The following ZNF221 variants were observed in gnomAD, a reference collection of about 807,000 sequenced individuals.
ZNF221 encodes the protein zinc finger protein 221.
A neutral mutation model predicts 12.6 loss-of-function variants in ZNF221; 10 were observed. The ratio of observed to expected loss-of-function variants is 0.79; its 90% CI spans 0.49 to 1.34. ZNF221 has a LOEUF of 1.34. ZNF221 is among the 40% of genes most tolerant of loss of function. ZNF221 has a pLI of 0.00. For synonymous variants in ZNF221, 232 were observed against 244.0 expected (o/e 0.95, Z 0.46); for missense variants, 661 against 721.4 (o/e 0.92, Z 0.96).
intron 2 of ZNF221, 68 bp downstream of exon 2, chr19:43,962,875 T>C (rs1182873309): frequency 1.6e-5 from 24 of 1,457,810 alleles, no homozygotes; most frequent in Non-Finnish European, 2.3e-5. Context: ...CATTTTTATC[T>C]GTCTTGGGAA....
At chr19:43,971,803 C>G (rs1350996036), downstream of ZNF221, among the ~76,000 whole-genome samples, 2 of 152,130 alleles carry the variant, frequency 1.3e-5, no homozygotes, top group Non-Finnish European at 2.9e-5. Context: ...GACTCCCACA[C>G]AGTAATAGTG....
chr19:43,956,640 C>G (rs1422479200), intron 1 of ZNF221, among the ~76,000 whole-genome samples: 1 of 152,190 alleles, frequency 6.6e-6, no homozygotes, highest in African/African-American at 2.4e-5. Context: ...GGTTTCTCAT[C>G]ATAATCTTTA....
At chr19:43,972,869 T>G in the ZNF221 span, among the ~76,000 whole-genome samples, 2 of 151,364 alleles carry the variant, frequency 1.3e-5, no homozygotes, top group Admixed American at 6.6e-5. Flanking sequence ...TCCAAACAAT[T>G]GAAAAGAAGG....
chr19:43,962,684 C>T, intron 1 of ZNF221, 41 bp from the exon 2 acceptor site: 1 of 1,578,788 alleles, frequency 6.3e-7, no homozygotes, highest in Non-Finnish European at 8.7e-7. Context: ...TCCTAGTTAC[C>T]ATTTCCTGTC....
chr19:43,975,417 C>T, the ZNF221 span, among the ~76,000 whole-genome samples: 4 of 152,122 alleles, frequency 2.6e-5, no homozygotes, highest in Admixed American at 6.5e-5. Flanking sequence ...AAGCCGTTAT[C>T]CTCAGCAAAC....
intron 1 of ZNF221, among the ~76,000 whole-genome samples, chr19:43,956,324 G>A (rs763031426): frequency 2.6e-5 from 4 of 152,158 alleles, no homozygotes; most frequent in Non-Finnish European, 4.4e-5. Context: ...CAGGAGAAAC[G>A]TTCCCTAGTC....
intron 1 of ZNF221, among the ~76,000 whole-genome samples, chr19:43,951,908 C>G (rs1974678670): frequency 8.8e-6 from 1 of 113,982 alleles, no homozygotes; most frequent in African/African-American, 3.5e-5. Flanking sequence ...GAGTCTCGCT[C>G]TGTCGCCCAG....
At chr19:43,980,645 G>A in the ZNF221 span, among the ~76,000 whole-genome samples, 1 of 152,176 alleles carries the variant, frequency 6.6e-6, no homozygotes, top group Non-Finnish European at 1.5e-5. Flanking sequence ...TTTCACCTTG[G>A]TGAAATTTCC....
chr19:43,955,639 A>G (rs1288621136), intron 1 of ZNF221, among the ~76,000 whole-genome samples: 1 of 152,206 alleles, frequency 6.6e-6, no homozygotes, highest in Non-Finnish European at 1.5e-5. Context: ...GCCACTGCCC[A>G]TGAGTCAGTA....
At chr19:43,980,009 T>C in the ZNF221 span, among the ~76,000 whole-genome samples, 1 of 152,202 alleles carries the variant, frequency 6.6e-6, no homozygotes, top group South Asian at 2.1e-4. Context: ...TGACCATGAA[T>C]TTGTTAGTTT....
intron 1 of ZNF221, among the ~76,000 whole-genome samples, chr19:43,960,017 C>A (rs894608847): frequency 6.6e-6 from 1 of 151,472 alleles, no homozygotes; most frequent in African/African-American, 2.4e-5. Context: ...ATGGGAACTT[C>A]TTACAGACTG....
chr19:43,952,803 T>A lies in ZNF221; in HGVS notation c.-3+1403T>A, dbSNP rs921329333. Among the ~76,000 whole-genome samples the A allele has an allele frequency of 2.0e-4, 30 of 152,168 alleles. 1 individual carries two copies. Among genetic ancestry groups the A allele is most frequent in the African/African-American group, 7.2e-4 (30 of 41,428 alleles). On this transcript the variant is annotated intron_variant, in intron 1 of 4. Transcript: ENST00000587682. ...TCTCTAGGACTCTTTTAAAACTTTGTCAACTATTTTTTTTCACTTATTACA... is the reference window on the plus strand; with the variant it reads ...TCTCTAGGACTCTTTTAAAACTTTGACAACTATTTTTTTTCACTTATTACA...
At chr19:43,954,872 G>A (rs992344509) in intron 1 of ZNF221, among the ~76,000 whole-genome samples, 1 of 152,110 alleles carries the variant, frequency 6.6e-6, no homozygotes, top group African/African-American at 2.4e-5. Flanking sequence ...TTCCCACCAG[G>A]TCTTCCCCAG....
downstream of ZNF221, among the ~76,000 whole-genome samples, chr19:43,970,740 A>G (rs1454104256): frequency 6.6e-6 from 1 of 152,052 alleles, no homozygotes; most frequent in Admixed American, 6.5e-5. Context: ...AATGAACAAA[A>G]CCTCTGAAAA....
the ZNF221 span, among the ~76,000 whole-genome samples, chr19:43,979,829 CTG>C: frequency 6.6e-6 from 1 of 152,152 alleles, no homozygotes; most frequent in African/African-American, 2.4e-5. Flanking sequence ...TAAATCAATT[CTG>C]TGTTTTCTCA....
the ZNF221 span, among the ~76,000 whole-genome samples, chr19:43,979,441 A>ATATC: frequency 6.7e-6 from 1 of 149,020 alleles, no homozygotes; most frequent in African/African-American, 2.5e-5. Flanking sequence ...ATATATATAT[A>ATATC]TATGGAAGGC....
intron 1 of ZNF221, among the ~76,000 whole-genome samples, chr19:43,956,511 C>T (rs1364218844): frequency 8.8e-5 from 6 of 68,480 alleles, no homozygotes; most frequent in African/African-American, 2.0e-4. Flanking sequence ...CCATTTTATC[C>T]TCTCTTATGC....
At chr19:43,965,602 T>C (rs1431894952) in intron 4 of ZNF221, among the ~76,000 whole-genome samples, 1 of 152,250 alleles carries the variant, frequency 6.6e-6, no homozygotes, top group African/African-American at 2.4e-5. Context: ...CAGTCTTTTA[T>C]TTCTACCAGG....
intron 2 of ZNF221, among the ~76,000 whole-genome samples, chr19:43,963,628 A>G (rs954664017): frequency 2.6e-5 from 4 of 152,160 alleles, no homozygotes; most frequent in African/African-American, 9.7e-5. Flanking sequence ...AGATTGGCCA[A>G]TCACTTGTGT....
Sources: allele counts gnomAD v4.1 joint callset (sites outside exome capture counted in the v4.1 genomes callset), GRCh38; gene constraint gnomAD v4.1.1; transcripts MANE v1.5; gene names NCBI Gene and HGNC (gene_info 2026-07-23, HGNC 2026-07-21).